The following TACR1 variants were observed in gnomAD, a reference collection of about 807,000 sequenced individuals.
The protein encoded by TACR1 is tachykinin receptor 1, also known as substance-P receptor.
TACR1 carries 25 observed loss-of-function variants against 35.8 expected under a neutral mutation model. The ratio of observed to expected loss-of-function variants is 0.70; its 90% CI spans 0.51 to 0.98. TACR1 has a LOEUF of 0.98. Ranked by LOEUF, TACR1 falls within the 50% of genes least tolerant of loss-of-function variation. The pLI is 0.00. For synonymous variants in TACR1, 195 were observed against 206.7 expected, an observed-to-expected ratio of 0.94 and a Z score of 0.48; for missense variants, 478 against 522.9, an observed-to-expected ratio of 0.91 and a Z score of 0.84.
At chr2:75,143,023 T>C (rs1044286278) in intron 1 of TACR1, among the ~76,000 whole-genome samples, 1 of 152,034 alleles carries the variant, frequency 6.6e-6, no homozygotes, top group Non-Finnish European at 1.5e-5. Flanking sequence ...GTAGAGGGGG[T>C]AATATCTGAA....
chr2:75,057,536 T>C (rs1222853223), intron 2 of TACR1, among the ~76,000 whole-genome samples: 1 of 152,218 alleles, frequency 6.6e-6, no homozygotes, highest in Non-Finnish European at 1.5e-5. Context: ...ACAACATGGA[T>C]GAAGCCTGCA....
rs114725396 is a variant in TACR1, at chr2:75,123,624, A to C, written c.390-2856T>G. 5.0e-3 allele frequency among the ~76,000 whole-genome samples: 759 copies of C among 152,296 alleles called. 6 individuals carry two copies. Among genetic ancestry groups the C allele is most frequent in the African/African-American group, 0.018 (732 of 41,548 alleles). On this transcript the variant is annotated intron_variant, in intron 1 of 4. Coordinates refer to ENST00000305249, the MANE Select transcript of TACR1 (RefSeq NM_001058.4). ...CATAAAGCCAGAGAGAATAAAAAAG[A>C]CTGGCTTTAAAAAATGTATATATGT...
At chr2:75,184,793 TA>T (rs1465312574) in intron 1 of TACR1, among the ~76,000 whole-genome samples, 6 of 151,620 alleles carry the variant, frequency 4.0e-5, no homozygotes, top group Admixed American at 3.3e-4. Context: ...TAAAACTTTT[TA>T]AAAAATGTGT....
rs149882043 is a variant in TACR1, at chr2:75,126,282, T to C, written c.390-5514A>G. The stretch of plus-strand genomic sequence containing the variant: ...CTTTTTTATGGAAGAATTATATATA[T>C]AGTATTCCATGGTGTATATGTACCA... On this transcript the variant is annotated intron_variant, in intron 1 of 4. Coordinates refer to ENST00000305249, the MANE Select transcript of TACR1 (RefSeq NM_001058.4). 5.4e-3 allele frequency among the ~76,000 whole-genome samples: 828 copies of C among 152,336 alleles called. 26 individuals are homozygous for C. The highest frequency in any genetic ancestry group is 0.051 in the Admixed American group (774 of 15,298).
chr2:75,192,056 T>C (rs139331076), intron 1 of TACR1, among the ~76,000 whole-genome samples: 1 of 152,200 alleles, frequency 6.6e-6, no homozygotes, highest in African/African-American at 2.4e-5. Context: ...AGCATCTTAG[T>C]ATAAGCACTG....
At chr2:75,121,501 C>A (rs1026599305) in intron 1 of TACR1, among the ~76,000 whole-genome samples, 2 of 152,180 alleles carry the variant, frequency 1.3e-5, no homozygotes, top group Admixed American at 1.3e-4. Flanking sequence ...AGCCATTCCT[C>A]CATCGCTTCA....
At chr2:75,150,222 C>T (rs190365544) in intron 1 of TACR1, among the ~76,000 whole-genome samples, 3 of 152,240 alleles carry the variant, frequency 2.0e-5, no homozygotes, top group African/African-American at 7.2e-5. Context: ...CATTGAATTG[C>T]CCTTGAAAAG....
chr2:75,131,570 A>T (rs935564987), intron 1 of TACR1, among the ~76,000 whole-genome samples: 5 of 152,224 alleles, frequency 3.3e-5, no homozygotes, highest in Non-Finnish European at 7.3e-5. Flanking sequence ...TAAATTAAGA[A>T]ACCCATGGAA....
At position 75,198,888 on chromosome 2, in the gene TACR1, G is replaced by C; in HGVS notation, c.47C>G (p.Ser16Cys). 1 of 1,613,976 alleles carries C rather than the reference G, an allele frequency of 6.2e-7. No homozygotes were observed. The highest frequency in any genetic ancestry group is 8.5e-7 in the Non-Finnish European group (1 of 1,180,036). The stretch of plus-strand genomic sequence containing the variant: ...CTGATTGGGTTCCGAGGTGTTAGTG[G>C]AGATGTTTGGGGAGAGGTCTGAGTC... ...PVDSDLSPNISTNTSEPNQFV... is the reference protein window; with the variant it reads ...PVDSDLSPNICTNTSEPNQFV... The change falls in exon 1 of 5, where the codon TCC becomes TGC. Residue 16 changes from serine to cysteine, a missense_variant. By Grantham distance (112) the Ser-to-Cys change is moderately radical. Transcript: ENST00000305249.
Position 75,049,235 on chromosome 2 carries a change from G to A in TACR1, c.*197C>T. 1.6e-6 allele frequency: 1 copy of A among 623,020 alleles called. No homozygotes were observed. The highest frequency in any genetic ancestry group is 2.8e-6 in the Non-Finnish European group (1 of 363,560). 38.6% of individuals were successfully genotyped at this position (623,020 alleles called of 1,614,324 possible). A position where few individuals can be genotyped will look rare whatever the true frequency, so the allele number is the denominator to read the frequency against. On this transcript the variant is annotated 3_prime_UTR_variant, in exon 5 of 5. Coordinates refer to ENST00000305249, the MANE Select transcript of TACR1 (RefSeq NM_001058.4). The stretch of plus-strand genomic sequence containing the variant: ...TCAGTGATTTGGTTTGAGTCACACA[G>A]CATGAGGGTGGCAAAGATAGGGAAG...
chr2:75,127,396 T>C (rs981680355), intron 1 of TACR1, among the ~76,000 whole-genome samples: 2 of 152,230 alleles, frequency 1.3e-5, no homozygotes, highest in Non-Finnish European at 2.9e-5. Context: ...TTATTAATAT[T>C]AGCAGCAGAG....
At chr2:75,180,378 C>G (rs1370681826) in intron 1 of TACR1, among the ~76,000 whole-genome samples, 4 of 152,156 alleles carry the variant, frequency 2.6e-5, no homozygotes, top group Non-Finnish European at 5.9e-5. Flanking sequence ...ATTTATCCCT[C>G]TCTGTATACT....
rs1672417908 is a variant in TACR1, at chr2:75,049,156, A to C, written c.*276T>G. On this transcript the variant is annotated 3_prime_UTR_variant, in exon 5 of 5. Transcript: ENST00000305249. The stretch of plus-strand genomic sequence containing the variant: ...CAAAGTCACTTCCAGAATGGAATGA[A>C]TGGGCTTTTGGGAAAAGCTGGTCCG... 2 of 429,640 alleles carry C rather than the reference A, an allele frequency of 4.7e-6. No homozygotes were observed. Among genetic ancestry groups the C allele is most frequent in the Non-Finnish European group, 8.3e-6 (2 of 240,486 alleles). 26.6% of individuals were successfully genotyped at this position (429,640 alleles called of 1,614,324 possible).
At chr2:75,058,869 A>G (rs749983936) in intron 2 of TACR1, among the ~76,000 whole-genome samples, 7 of 152,234 alleles carry the variant, frequency 4.6e-5, no homozygotes, top group Non-Finnish European at 8.8e-5. Context: ...AAGCAAGAAC[A>G]GTTTCAGTTT....
In TACR1 at chr2:75,063,516, T is replaced by C. The variant is rs1045257425; in HGVS notation, c.585-9761A>G. 2.6e-5 allele frequency among the ~76,000 whole-genome samples: 4 copies of C among 152,236 alleles called. No homozygotes were observed. In the South Asian group the frequency reaches 8.3e-4, roughly 32 times the overall value. On this transcript the variant is annotated intron_variant, in intron 2 of 4. Coordinates refer to ENST00000305249, the MANE Select transcript of TACR1 (RefSeq NM_001058.4). ...CTCCAAATATTTTTTTCTCCAACAT[T>C]GCTTACACTTTTCCCAGGACCACTT...
At chr2:75,165,196 C>T (rs549451231) in intron 1 of TACR1, among the ~76,000 whole-genome samples, 3 of 152,352 alleles carry the variant, frequency 2.0e-5, no homozygotes, top group Non-Finnish European at 4.4e-5. Context: ...CCACTTCTGG[C>T]CTTAATCCCT....
intron 2 of TACR1, among the ~76,000 whole-genome samples, chr2:75,084,463 C>T (rs1443742995): frequency 6.6e-6 from 1 of 152,166 alleles, no homozygotes; most frequent in Non-Finnish European, 1.5e-5. Context: ...GGGAGGATTC[C>T]CTCTTTTTCT....
chr2:75,084,561 C>G (rs1673155979), intron 2 of TACR1, among the ~76,000 whole-genome samples: 1 of 152,070 alleles, frequency 6.6e-6, no homozygotes. Flanking sequence ...TGGTCCTGGA[C>G]TTTTTTTGGT....
chr2:75,096,938 C>T (rs1020779853), intron 2 of TACR1, among the ~76,000 whole-genome samples: 2 of 152,216 alleles, frequency 1.3e-5, no homozygotes, highest in African/African-American at 4.8e-5. Flanking sequence ...CAGGACTTTG[C>T]TCCAACAGTC....
Sources: allele counts gnomAD v4.1 joint callset (sites outside exome capture counted in the v4.1 genomes callset), GRCh38; gene constraint gnomAD v4.1.1; transcripts MANE v1.5; gene names NCBI Gene and HGNC (gene_info 2026-07-23, HGNC 2026-07-21).